The following SLIT3 variants were observed in gnomAD, a reference collection of about 807,000 sequenced individuals.
SLIT3 encodes the protein slit guidance ligand 3, also known as slit homolog 3 protein.
SLIT3 carries 68 observed loss-of-function variants against 184.0 expected under a neutral mutation model. That is an observed-to-expected ratio of 0.37 (90% CI 0.30 to 0.45). SLIT3 has a LOEUF of 0.45. Among genes scored for constraint, SLIT3 ranks in the 20% least tolerant of loss-of-function variants. The pLI, the probability that SLIT3 is intolerant of heterozygous loss-of-function variation, is 1.00. For synonymous variants in SLIT3, 831 were observed against 828.6 expected (o/e 1.00, Z -0.05); for missense variants, 1,707 against 2,026.0 (o/e 0.84, Z 3.02).
intron 6 of SLIT3, among the ~76,000 whole-genome samples, chr5:168,836,014 C>T (rs17733538): frequency 6.6e-6 from 1 of 152,054 alleles, no homozygotes; most frequent in Admixed American, 6.6e-5. Context: ...GGAAAAGTAG[C>T]AATGTTGATC....
At chr5:168,884,711 G>A (rs372388786) in intron 4 of SLIT3, among the ~76,000 whole-genome samples, 28 of 151,200 alleles carry the variant, frequency 1.9e-4, no homozygotes, top group African/African-American at 6.1e-4. Context: ...GTTGTATATC[G>A]TCCAATTGTA....
chr5:169,109,149 T>C lies in SLIT3; in HGVS notation c.413+84330A>G, dbSNP rs1480383170. Among the ~76,000 whole-genome samples the C allele has an allele frequency of 2.0e-5, 3 of 152,246 alleles. No homozygotes were observed. The East Asian group carries it at 5.8e-4, about 29-fold the overall frequency. ...TCACTCCCAGGATTACATTATGTTA[T>C]ATGGCAACAGGGATAGAATGTCACT... is the stretch of plus-strand genomic sequence containing the variant. On this transcript the variant is annotated intron_variant, in intron 4 of 35. Coordinates refer to ENST00000519560, the MANE Select transcript of SLIT3 (RefSeq NM_003062.4).
intron 3 of SLIT3, among the ~76,000 whole-genome samples, chr5:169,235,915 G>A (rs919692894): frequency 6.6e-6 from 1 of 152,190 alleles, no homozygotes. Context: ...CTAAGGTGGT[G>A]TGTGTCATAT....
intron 4 of SLIT3, among the ~76,000 whole-genome samples, chr5:168,895,730 C>A (rs1431063730): frequency 6.6e-6 from 1 of 152,188 alleles, no homozygotes; most frequent in African/African-American, 2.4e-5. Flanking sequence ...ATAACTCACA[C>A]CTGTGGATGT....
chr5:168,792,873 G>C (rs956329024), intron 10 of SLIT3, among the ~76,000 whole-genome samples: 6 of 152,278 alleles, frequency 3.9e-5, no homozygotes, highest in Middle Eastern at 3.4e-3. Flanking sequence ...GTCACAAGTG[G>C]AAAATTCCAC....
At chr5:168,905,653 A>G (rs1387726286) in intron 4 of SLIT3, among the ~76,000 whole-genome samples, 1 of 152,196 alleles carries the variant, frequency 6.6e-6, no homozygotes, top group Non-Finnish European at 1.5e-5. Flanking sequence ...TACAGCTCAA[A>G]TACTAGGCAA....
chr5:168,953,142 G>A (rs1293612340), intron 4 of SLIT3, among the ~76,000 whole-genome samples: 2 of 152,146 alleles, frequency 1.3e-5, no homozygotes, highest in African/African-American at 4.8e-5. Context: ...CAAAGTCAAG[G>A]CCTAGTTGGG....
chr5:168,978,422 A>T (rs1754839275), intron 4 of SLIT3, among the ~76,000 whole-genome samples: 1 of 152,186 alleles, frequency 6.6e-6, no homozygotes, highest in Non-Finnish European at 1.5e-5. Context: ...ATTCAGACCT[A>T]AGAGCCTTGG....
At chr5:169,172,542 A>T (rs934223180) in intron 4 of SLIT3, among the ~76,000 whole-genome samples, 6 of 152,238 alleles carry the variant, frequency 3.9e-5, no homozygotes, top group Non-Finnish European at 7.3e-5. Flanking sequence ...CCTTTAGCAC[A>T]ACACTTTCTG....
At chr5:169,057,582 G>A (rs373112417) in intron 4 of SLIT3, among the ~76,000 whole-genome samples, 139 of 152,320 alleles carry the variant, frequency 9.1e-4, no homozygotes, top group East Asian at 4.8e-3. Flanking sequence ...GGAAGCAGGC[G>A]TGCGAGGACC....
At chr5:168,923,308 A>G (rs1761702731) in intron 4 of SLIT3, among the ~76,000 whole-genome samples, 1 of 151,966 alleles carries the variant, frequency 6.6e-6, no homozygotes, top group African/African-American at 2.4e-5. Context: ...TAATCCTTAT[A>G]TCTGACCAAC....
chr5:168,917,381 T>A lies in SLIT3; in HGVS notation c.414-34045A>T, dbSNP rs112532198. On this transcript the variant is annotated intron_variant, in intron 4 of 35. Coordinates refer to ENST00000519560, the MANE Select transcript of SLIT3 (RefSeq NM_003062.4). ...ATTGTGTCTCAGCCCCAGCTTGTGT[T>A]CTTGCCTACCTCTGAATCTGTGTGT... is the stretch of plus-strand genomic sequence containing the variant. 2.0e-3 allele frequency among the ~76,000 whole-genome samples: 306 copies of A among 152,298 alleles called. 2 individuals are homozygous for A. The highest frequency in any genetic ancestry group is 7.0e-3 in the African/African-American group (289 of 41,564).
At chr5:169,032,563 T>A (rs1417125092) in intron 4 of SLIT3, among the ~76,000 whole-genome samples, 1 of 151,656 alleles carries the variant, frequency 6.6e-6, no homozygotes, top group Non-Finnish European at 1.5e-5. Flanking sequence ...TTACTTAAGT[T>A]GAACTTATAT....
intron 5 of SLIT3, among the ~76,000 whole-genome samples, chr5:168,874,147 G>C (rs1407907418): frequency 2.0e-5 from 3 of 149,304 alleles, no homozygotes; most frequent in African/African-American, 7.6e-5. Context: ...TGCTCAAAGG[G>C]GTTAAATACT....
intron 4 of SLIT3, among the ~76,000 whole-genome samples, chr5:169,162,912 A>C (rs996234787): frequency 1.3e-5 from 2 of 152,204 alleles, no homozygotes; most frequent in Non-Finnish European, 2.9e-5. Flanking sequence ...AGGTAGGAGT[A>C]GGGAGATAGC....
chr5:168,748,248 G>A (rs1754560431), intron 20 of SLIT3, 54 bp downstream of exon 20: 3 of 1,433,752 alleles, frequency 2.1e-6, no homozygotes, highest in East Asian at 2.8e-5. Flanking sequence ...AAGTATGGAG[G>A]ATGCTGCTGG....
At chr5:168,972,351 G>GTT in intron 4 of SLIT3, among the ~76,000 whole-genome samples, 1 of 150,636 alleles carries the variant, frequency 6.6e-6, no homozygotes, top group African/African-American at 2.4e-5. Context: ...GTGTGTGTGT[G>GTT]TGTGTGTGTG....
intron 4 of SLIT3, among the ~76,000 whole-genome samples, chr5:169,113,647 T>TTTTTC (rs1216883517): frequency 6.7e-6 from 1 of 149,074 alleles, no homozygotes; most frequent in Non-Finnish European, 1.5e-5. Flanking sequence ...TCATGCCTTT[T>TTTTTC]TTTTCTTTTT....
intron 4 of SLIT3, among the ~76,000 whole-genome samples, chr5:168,907,979 T>TATAG (rs376418381): frequency 4.2e-4 from 21 of 50,076 alleles, no homozygotes; most frequent in South Asian, 7.6e-4. Flanking sequence ...TATATATATA[T>TATAG]AGAGAGAGAG....
Sources: gnomAD v4.1 joint callset for allele counts (sites outside exome capture counted in the v4.1 genomes callset) on GRCh38, gnomAD v4.1.1 for gene constraint, MANE v1.5 for transcripts, NCBI Gene and HGNC (gene_info 2026-07-23, HGNC 2026-07-21) for gene names.